RPS6KA6: variants seen among roughly 807,000 people sequenced by gnomAD.
The protein encoded by RPS6KA6 is ribosomal protein S6 kinase A6, also known as ribosomal protein S6 kinase alpha-6.
Under a neutral mutation model 65.4 loss-of-function variants are expected in RPS6KA6, and 27 were observed. The observed-to-expected ratio is 0.41, with a 90% CI of 0.30 to 0.57. The LOEUF is 0.57. Among genes scored for constraint, RPS6KA6 ranks in the 20% least tolerant of loss-of-function variants. The pLI, the probability that RPS6KA6 is intolerant of heterozygous loss-of-function variation, is 0.24. For synonymous variants in RPS6KA6, 190 were observed against 184.2 expected (o/e 1.03, Z -0.26); for missense variants, 486 against 555.6 (o/e 0.87, Z 1.26).
At chrX:84,131,132 A>C (rs1185127519) in intron 8 of RPS6KA6, among the ~76,000 whole-genome samples, 1 of 112,034 alleles carries the variant, frequency 8.9e-6, no homozygotes, top group Non-Finnish European at 1.9e-5. Flanking sequence ...ACTGACATTG[A>C]TGCAGTCAAG....
At chrX:84,082,123 G>T (rs1231226867) in intron 20 of RPS6KA6, among the ~76,000 whole-genome samples, 1 of 111,536 alleles carries the variant, frequency 9.0e-6, no homozygotes, top group Non-Finnish European at 1.9e-5. Context: ...AAGAAATAAA[G>T]GGTATTCAAA....
chrX:84,105,905 T>A, intron 15 of RPS6KA6, 29 bp from the exon 16 acceptor site: 1 of 826,574 alleles, frequency 1.2e-6, no homozygotes, highest in Non-Finnish European at 1.8e-6. Context: ...GAAAAATATC[T>A]GAGGCAAACA....
At chrX:84,114,485 C>CA (rs999628851) in intron 12 of RPS6KA6, among the ~76,000 whole-genome samples, 3 of 109,860 alleles carry the variant, frequency 2.7e-5, no homozygotes, top group African/African-American at 1.0e-4. Context: ...GAGACGCTGT[C>CA]AAAAAACAAA....
intron 2 of RPS6KA6, among the ~76,000 whole-genome samples, chrX:84,158,836 G>A (rs1344368208): frequency 9.0e-6 from 1 of 111,350 alleles, no homozygotes; most frequent in Non-Finnish European, 1.9e-5. Context: ...ACCTGTAGAA[G>A]AAATATTTAT....
chrX:84,143,026 A>C (rs1274372421), intron 6 of RPS6KA6, among the ~76,000 whole-genome samples: 4 of 110,730 alleles, frequency 3.6e-5, no homozygotes, highest in African/African-American at 1.3e-4. Context: ...ATAATAATAC[A>C]AGAAAATCAT....
In RPS6KA6 at chrX:84,107,735, A is replaced by C. The variant is rs752600013; in HGVS notation, c.1009-10T>G. On this transcript the variant is annotated splice_polypyrimidine_tract_variant and intron_variant, in intron 12 of 21. Transcript: ENST00000262752. ...CTCTTTTATATAATTTCTAGAAGGG[A>C]CAACCAGATAACACAAAACGTATTA... 2.1e-6 allele frequency: 2 copies of C among 967,281 alleles called. No individual in the cohort carries two copies. Among genetic ancestry groups the C allele is most frequent in the Middle Eastern group, 2.6e-4 (1 of 3,794 alleles). The allele number at this position is 967,281 out of a possible 1,213,427, so 79.7% of individuals were successfully genotyped here.
chrX:84,168,752 A>C (rs2035636449), intron 1 of RPS6KA6, among the ~76,000 whole-genome samples: 1 of 111,882 alleles, frequency 8.9e-6, no homozygotes, highest in Non-Finnish European at 1.9e-5. Context: ...TCTTATGACT[A>C]ATTTATCATG....
At chrX:84,089,479 T>C in intron 20 of RPS6KA6, among the ~76,000 whole-genome samples, 1 of 111,503 alleles carries the variant, frequency 9.0e-6, no homozygotes, top group Admixed American at 9.5e-5. Flanking sequence ...CTTGCTGGAA[T>C]TCCTGGAGCC....
Position 84,119,878 on chromosome X carries a change from T to C in RPS6KA6, c.789+7A>G, listed in dbSNP as rs1281262251. 3 of 1,149,497 alleles carry C rather than the reference T, an allele frequency of 2.6e-6. No homozygotes were observed. Among genetic ancestry groups the C allele is most frequent in the South Asian group, 4.4e-5 (2 of 45,190 alleles). The allele number at this position is 1,149,497 out of a possible 1,213,427, so 94.7% of individuals were successfully genotyped here. A position where few individuals can be genotyped will look rare whatever the true frequency, so the allele number is the denominator to read the frequency against. On this transcript the variant is annotated splice_region_variant and intron_variant, in intron 9 of 21. Transcript: ENST00000262752. ...TTGGCATAATTAAAACAAATAATGC[T>C]ACTTACCATAAGAACACCATATGAC...
intron 3 of RPS6KA6, among the ~76,000 whole-genome samples, chrX:84,148,599 A>G (rs2035242554): frequency 4.5e-5 from 5 of 111,514 alleles, no homozygotes. Flanking sequence ...TAAGAGATAA[A>G]TAACATAATG....
intron 3 of RPS6KA6, 27 bp downstream of exon 3, chrX:84,156,048 C>T: frequency 1.1e-6 from 1 of 913,873 alleles, no homozygotes; most frequent in South Asian, 2.1e-5. Flanking sequence ...AGAAGAGGAA[C>T]AAATGGGGAA....
intron 12 of RPS6KA6, among the ~76,000 whole-genome samples, chrX:84,111,671 A>G (rs1483627203): frequency 8.9e-6 from 1 of 111,934 alleles, no homozygotes; most frequent in Non-Finnish European, 1.9e-5. Context: ...CAGGCCCCAT[A>G]AAAAATGCTC....
rs1388863038 is a variant in RPS6KA6, at chrX:84,063,655, G to A, written c.*622C>T. 9.0e-6 allele frequency: 1 copy of A among 111,681 alleles called. No individual in the cohort carries two copies. Among genetic ancestry groups the A allele is most frequent in the Admixed American group, 9.5e-5 (1 of 10,501 alleles). The allele number at this position is 111,681 out of a possible 1,213,427, so 9.2% of individuals were successfully genotyped here. ...ACAGATCTGCCTGCACACATTATCTGAGATATAATTCTTCTATAAAAACTT... is the reference window on the plus strand; with the variant it reads ...ACAGATCTGCCTGCACACATTATCTAAGATATAATTCTTCTATAAAAACTT... On this transcript the variant is annotated 3_prime_UTR_variant, in exon 22 of 22. Transcript: ENST00000262752.
At chrX:84,150,051 T>C (rs2147559515) in intron 3 of RPS6KA6, among the ~76,000 whole-genome samples, 1 of 102,964 alleles carries the variant, frequency 9.7e-6, no homozygotes, top group South Asian at 4.5e-4. Flanking sequence ...AGCATTACCT[T>C]ACACTTTTAT....
chrX:84,134,916 TTAATA>T (rs1326257741), intron 7 of RPS6KA6, 97 bp from the exon 8 acceptor site: 1 of 644,008 alleles, frequency 1.6e-6, no homozygotes, highest in African/African-American at 2.3e-5. Flanking sequence ...CAGTATCTAT[TTAATA>T]TATGTAAAAA....
In RPS6KA6 at chrX:84,064,146, T is replaced by C; in HGVS notation, c.*131A>G. On this transcript the variant is annotated 3_prime_UTR_variant, in exon 22 of 22. Coordinates refer to ENST00000262752, the MANE Select transcript of RPS6KA6 (RefSeq NM_014496.5). ...ATGGTTTTTTAAATCTCACTTCCCC[T>C]AAAAATGGGGATTTAATATTACTTA... The C allele has an allele frequency of 2.6e-6, 2 of 757,145 alleles. No individual in the cohort carries two copies. The highest frequency in any genetic ancestry group is 3.0e-5 in the South Asian group (1 of 33,522). The allele number at this position is 757,145 out of a possible 1,213,427, so 62.4% of individuals were successfully genotyped here.
chrX:84,117,301 T>C, intron 10 of RPS6KA6, 83 bp downstream of exon 10: 1 of 706,569 alleles, frequency 1.4e-6, no homozygotes, highest in South Asian at 3.2e-5. Flanking sequence ...TACTCTTGTA[T>C]TATTTTAAAA....
chrX:84,118,351 G>A (rs1437290183), intron 9 of RPS6KA6, among the ~76,000 whole-genome samples: 1 of 111,240 alleles, frequency 9.0e-6, no homozygotes. Flanking sequence ...AAGACTGGAG[G>A]AGTAGAGGTG....
intron 8 of RPS6KA6, among the ~76,000 whole-genome samples, chrX:84,125,465 T>TAAA (rs2147489094): frequency 8.9e-6 from 1 of 111,868 alleles, no homozygotes; most frequent in South Asian, 3.7e-4. Flanking sequence ...CAATCAGTGT[T>TAAA]AAGTTTTCAT....
Sources: gnomAD v4.1 joint callset for allele counts (sites outside exome capture counted in the v4.1 genomes callset) on GRCh38, gnomAD v4.1.1 for gene constraint, MANE v1.5 for transcripts, NCBI Gene and HGNC (gene_info 2026-07-23, HGNC 2026-07-21) for gene names.